Variants in NFIB observed in about 807,000 individuals in gnomAD.
NFIB encodes the protein nuclear factor I B.
A neutral mutation model predicts 61.5 loss-of-function variants in NFIB; 11 were observed. That is an observed-to-expected ratio of 0.18 (90% CI 0.11 to 0.30). NFIB has a LOEUF of 0.30. NFIB is among the 10% of genes least tolerant of loss of function. NFIB has a pLI of 1.00. For missense variants in NFIB, 471 were observed against 608.9 expected, an observed-to-expected ratio of 0.77 and a Z score of 2.38; for synonymous variants, 260 against 216.5, an observed-to-expected ratio of 1.20 and a Z score of -1.76.
At chr9:14,178,380 A>G (rs1358901510) in intron 3 of NFIB, among the ~76,000 whole-genome samples, 2 of 152,076 alleles carry the variant, frequency 1.3e-5, no homozygotes, top group African/African-American at 4.8e-5. Context: ...TTCACACACA[A>G]CAAAATAAAA....
rs762268972 is a variant in NFIB at position 14,084,881 on chromosome 9, C to G, written c.*3428G>C. The G allele has an allele frequency of 9.6e-5, 22 of 230,126 alleles. No individual in the cohort carries two copies. The highest frequency in any genetic ancestry group is 1.9e-4 in the Non-Finnish European group (22 of 115,976). The allele number at this position is 230,126 out of a possible 1,614,324, so 14.3% of individuals were successfully genotyped here. A position where few individuals can be genotyped will look rare whatever the true frequency, so the allele number is the denominator to read the frequency against. Reference sequence around the variant, plus strand: ...AAAAATTGATTTGAAATAAAAAAAGCAACACTTGAACTAGGCCTTTGTATT... The same window carrying G: ...AAAAATTGATTTGAAATAAAAAAAGGAACACTTGAACTAGGCCTTTGTATT... On this transcript the variant is annotated 3_prime_UTR_variant, in exon 11 of 11. Coordinates refer to ENST00000380953, the MANE Select transcript of NFIB (RefSeq NM_001190737.2).
intron 8 of NFIB, among the ~76,000 whole-genome samples, chr9:14,118,031 A>C (rs1045635935): frequency 6.6e-6 from 1 of 152,130 alleles, no homozygotes; most frequent in Admixed American, 6.5e-5. Flanking sequence ...CAAGAATTCT[A>C]ATTTGAAATG....
intron 8 of NFIB, among the ~76,000 whole-genome samples, chr9:14,118,097 A>T (rs2038399907): frequency 6.7e-6 from 1 of 149,202 alleles, no homozygotes; most frequent in Non-Finnish European, 1.5e-5. Flanking sequence ...ACTGTTCCTT[A>T]AAAAAAAAAT....
At chr9:14,355,044 G>C (rs1274506701) in intron 1 of NFIB, among the ~76,000 whole-genome samples, 6 of 152,196 alleles carry the variant, frequency 3.9e-5, no homozygotes, top group African/African-American at 1.4e-4. Context: ...GAGATGCTGT[G>C]TGTGTGTGAG....
In NFIB at chr9:14,313,239, C is replaced by T. The variant is rs946575574; in HGVS notation, c.30+243G>A. On this transcript the variant is annotated intron_variant, in intron 1 of 10. Coordinates refer to ENST00000380953, the MANE Select transcript of NFIB (RefSeq NM_001190737.2). The surrounding 1 kb of genome is among the most constrained non-coding windows in gnomAD (Gnocchi z 4.5). ...CCGGCCCTGCCCACCCCCCGGCGGCCTTGCCCGGCCCAGCGCCCGCGCTCC... is the reference window on the plus strand; with the variant it reads ...CCGGCCCTGCCCACCCCCCGGCGGCTTTGCCCGGCCCAGCGCCCGCGCTCC... Among the ~76,000 whole-genome samples, 4 of 151,714 alleles carry T rather than the reference C, an allele frequency of 2.6e-5. No homozygotes were observed. The highest frequency in any genetic ancestry group is 1.5e-5 in the Non-Finnish European group (1 of 67,878).
the NFIB span, among the ~76,000 whole-genome samples, chr9:14,523,584 T>C: frequency 1.3e-5 from 2 of 152,134 alleles, no homozygotes; most frequent in African/African-American, 4.8e-5. Flanking sequence ...AAATAATCAA[T>C]CCTCTTAAAT....
intron 1 of NFIB, among the ~76,000 whole-genome samples, chr9:14,346,290 A>ACCCCCCCCCCCCC (rs67699489): frequency 5.7e-5 from 5 of 88,436 alleles, no homozygotes; most frequent in Non-Finnish European, 1.0e-4. Flanking sequence ...GGTAACCGAC[A>ACCCCCCCCCCCCC]CCCCCCCCCC....
the NFIB span, among the ~76,000 whole-genome samples, chr9:14,490,898 T>C: frequency 6.6e-6 from 1 of 152,230 alleles, no homozygotes; most frequent in South Asian, 2.1e-4. Flanking sequence ...CCTAGTTTTA[T>C]ACCCTGGAGA....
the NFIB span, among the ~76,000 whole-genome samples, chr9:14,481,560 T>C: frequency 6.6e-6 from 1 of 152,056 alleles, no homozygotes; most frequent in African/African-American, 2.4e-5. Flanking sequence ...TCTTTAGTCC[T>C]ATTGACTTTG....
the NFIB span, among the ~76,000 whole-genome samples, chr9:14,451,382 A>C: frequency 6.6e-6 from 1 of 152,244 alleles, no homozygotes; most frequent in African/African-American, 2.4e-5. Context: ...ATAGAATAAT[A>C]TATTGAACCT....
intron 3 of NFIB, among the ~76,000 whole-genome samples, chr9:14,160,356 AAAC>A: frequency 6.6e-6 from 1 of 152,334 alleles, no homozygotes; most frequent in African/African-American, 2.4e-5. Flanking sequence ...TTTGAATGTT[AAAC>A]AACATTTACA....
chr9:14,161,789 G>C (rs1245632892), intron 3 of NFIB, among the ~76,000 whole-genome samples: 3 of 152,058 alleles, frequency 2.0e-5, no homozygotes, highest in Non-Finnish European at 2.9e-5. Context: ...TTAGGCTGGA[G>C]TTCCCAGAAT....
intron 1 of NFIB, among the ~76,000 whole-genome samples, chr9:14,378,996 G>C (rs930902486): frequency 6.6e-6 from 1 of 152,180 alleles, no homozygotes; most frequent in African/African-American, 2.4e-5. Context: ...CATTTGAGAT[G>C]ATAGAGAGGC....
rs1187053067 is a variant in NFIB, at chr9:14,313,336, C to G, written c.30+146G>C. The G allele has an allele frequency of 1.3e-5, 15 of 1,165,148 alleles. No individual in the cohort carries two copies. The African/African-American group carries it at 2.3e-4, about 18-fold the overall frequency. 72.2% of individuals were successfully genotyped at this position (1,165,148 alleles called of 1,614,324 possible). ...GCCGCTCCCGGCTCCCACGCCGCCC[C>G]GCGACGCCCGCTGCAACTCCGGGCC... On this transcript the variant is annotated intron_variant, in intron 1 of 10. Coordinates refer to ENST00000380953, the MANE Select transcript of NFIB (RefSeq NM_001190737.2). The surrounding 1 kb of genome is among the most constrained non-coding windows in gnomAD (Gnocchi z 4.5).
chr9:14,373,299 T>C (rs1029967034), intron 1 of NFIB, among the ~76,000 whole-genome samples: 2 of 152,238 alleles, frequency 1.3e-5, no homozygotes, highest in Admixed American at 1.3e-4. Context: ...TTAGCATTTA[T>C]GAGAACTTAC....
At chr9:14,403,196 C>G (rs2061758728), upstream of NFIB, among the ~76,000 whole-genome samples, 2 of 152,200 alleles carry the variant, frequency 1.3e-5, no homozygotes, top group African/African-American at 4.8e-5. Flanking sequence ...CTCTTAAAAT[C>G]TGAGCATCTA....
At chr9:14,427,945 T>TTTTTG in the NFIB span, among the ~76,000 whole-genome samples, 91 of 94,492 alleles carry the variant, frequency 9.6e-4, 3 homozygotes, top group African/African-American at 4.1e-3. Context: ...TTGTTTTTTT[T>TTTTTG]TTTTTTTTTT....
intron 10 of NFIB, among the ~76,000 whole-genome samples, chr9:14,100,062 G>C (rs1816069633): frequency 6.6e-6 from 1 of 152,002 alleles, no homozygotes; most frequent in African/African-American, 2.4e-5. Flanking sequence ...GAGGAAGTGA[G>C]ACTATCTAAA....
the NFIB span, among the ~76,000 whole-genome samples, chr9:14,430,424 G>A: frequency 2.6e-5 from 4 of 151,954 alleles, no homozygotes; most frequent in East Asian, 5.8e-4. Flanking sequence ...TTGAATAAAC[G>A]GATCCAGGGA....
Sources: gnomAD v4.1 joint callset for allele counts (sites outside exome capture counted in the v4.1 genomes callset) on GRCh38, gnomAD v4.1.1 for gene constraint, Gnocchi (gnomAD v3.1) non-coding constraint, MANE v1.5 for transcripts, NCBI Gene and HGNC (gene_info 2026-07-23, HGNC 2026-07-21) for gene names.